The following NFIA variants were observed in gnomAD, a reference collection of about 807,000 sequenced individuals.
NFIA encodes the protein nuclear factor 1 A-type.
NFIA carries 8 observed loss-of-function variants against 62.8 expected under a neutral mutation model. The observed-to-expected ratio is 0.13, with a 90% CI of 0.07 to 0.23. NFIA has a LOEUF of 0.23. NFIA is among the 10% of genes least tolerant of loss of function. The pLI is 1.00. For missense variants in NFIA, 410 were observed against 642.1 expected (o/e 0.64, Z 3.91); for synonymous variants, 235 against 238.1 (o/e 0.99, Z 0.12).
At chr1:61,259,534 A>C (rs1026734215) in intron 2 of NFIA, among the ~76,000 whole-genome samples, 1 of 152,256 alleles carries the variant, frequency 6.6e-6, no homozygotes, top group Non-Finnish European at 1.5e-5. Flanking sequence ...ATTCTCAGTA[A>C]CCAGGGTGTA....
At chr1:61,251,523 A>G (rs1402780519) in intron 2 of NFIA, 2 of 152,194 alleles carry the variant, frequency 1.3e-5, no homozygotes, top group African/African-American at 4.8e-5. Context: ...TATGTCATAC[A>G]TTTATTTTGA....
chr1:61,310,764 TTTCCTTCCTTCC>T (rs372925891), intron 3 of NFIA, among the ~76,000 whole-genome samples: 12 of 129,414 alleles, frequency 9.3e-5, no homozygotes, highest in South Asian at 2.6e-4. Context: ...TTCTCCCTCT[TTTCCTTCCTTCC>T]TTCCTTCCTT....
intron 2 of NFIA, among the ~76,000 whole-genome samples, chr1:61,230,340 G>T (rs1360369182): frequency 6.6e-6 from 1 of 152,156 alleles, no homozygotes; most frequent in Non-Finnish European, 1.5e-5. Flanking sequence ...TCTGAATTAT[G>T]AGAGTTATAT....
chr1:61,118,074 A>G (rs943348802), intron 2 of NFIA, among the ~76,000 whole-genome samples: 3 of 151,850 alleles, frequency 2.0e-5, no homozygotes, highest in African/African-American at 4.8e-5. Context: ...GATCCCAGCT[A>G]CTCAGGAGGT....
At chr1:61,238,106 T>C (rs1655111538) in intron 2 of NFIA, among the ~76,000 whole-genome samples, 1 of 152,244 alleles carries the variant, frequency 6.6e-6, no homozygotes, top group African/African-American at 2.4e-5. Flanking sequence ...TTCAAGATTA[T>C]GTGATTAAGA....
At chr1:61,162,801 A>G (rs1649304709) in intron 2 of NFIA, among the ~76,000 whole-genome samples, 1 of 150,548 alleles carries the variant, frequency 6.6e-6, no homozygotes. Flanking sequence ...AACATAATCC[A>G]TAAAACTCTT....
chr1:61,103,718 A>G (rs916814160), intron 2 of NFIA, among the ~76,000 whole-genome samples: 13 of 152,126 alleles, frequency 8.5e-5, no homozygotes, highest in African/African-American at 3.1e-4. Flanking sequence ...CATATAAAAT[A>G]GTTTTTGGGC....
chr1:61,449,390 C>T (rs781509771), intron 10 of NFIA, among the ~76,000 whole-genome samples: 1 of 152,202 alleles, frequency 6.6e-6, no homozygotes, highest in Non-Finnish European at 1.5e-5. Flanking sequence ...TACATGCCCA[C>T]CCTGGCATCC....
At chr1:61,231,707 A>G (rs1352938179) in intron 2 of NFIA, among the ~76,000 whole-genome samples, 2 of 152,126 alleles carry the variant, frequency 1.3e-5, no homozygotes, top group Non-Finnish European at 2.9e-5. Flanking sequence ...GCACATGCCT[A>G]TAGTCCCAGC....
chr1:61,359,403 G>C, intron 6 of NFIA, 129 bp downstream of exon 6: 7 of 1,316,338 alleles, frequency 5.3e-6, no homozygotes, highest in Non-Finnish European at 7.3e-6. Context: ...ATGAGCACTT[G>C]TTTGTATTGT....
chr1:61,106,393 C>T (rs937432659), intron 2 of NFIA, among the ~76,000 whole-genome samples: 1 of 151,712 alleles, frequency 6.6e-6, no homozygotes, highest in Non-Finnish European at 1.5e-5. Flanking sequence ...CTGGAGTTAC[C>T]TCCTCCTCAC....
At chr1:61,332,416 A>T (rs1296654057) in intron 3 of NFIA, 96 bp from the exon 4 acceptor site, 1 of 1,134,166 alleles carries the variant, frequency 8.8e-7, no homozygotes, top group Non-Finnish European at 1.3e-6. Context: ...ATTAGGCACC[A>T]CATGTGTTAA....
chr1:61,224,632 G>A (rs554839931), intron 2 of NFIA, among the ~76,000 whole-genome samples: 1 of 152,174 alleles, frequency 6.6e-6, no homozygotes, highest in South Asian at 2.1e-4. Context: ...AATTAATAAC[G>A]CTCTAGTCTC....
At chr1:61,362,383 T>C (rs1393606952) in intron 6 of NFIA, among the ~76,000 whole-genome samples, 1 of 152,208 alleles carries the variant, frequency 6.6e-6, no homozygotes, top group Non-Finnish European at 1.5e-5. Flanking sequence ...AAGGATACTG[T>C]GTTTAGGCCT....
intron 3 of NFIA, among the ~76,000 whole-genome samples, chr1:61,295,807 A>G (rs1659160540): frequency 6.6e-6 from 1 of 152,220 alleles, no homozygotes; most frequent in African/African-American, 2.4e-5. Flanking sequence ...ATGTAAAATG[A>G]GCTATTGTAA....
rs560676294 is a variant in NFIA, at chr1:61,338,042, C to T, written c.700+5456C>T. 6.6e-5 allele frequency among the ~76,000 whole-genome samples: 10 copies of T among 152,286 alleles called. 1 individual carries two copies. The South Asian group carries it at 1.7e-3, about 25-fold the overall frequency. Reference sequence around the variant, plus strand: ...ACACACAGGCCATTGTGACTCTGGCCTGGTGGGCTCTAATTTTCTAGCGGC... The same window carrying T: ...ACACACAGGCCATTGTGACTCTGGCTTGGTGGGCTCTAATTTTCTAGCGGC... On this transcript the variant is annotated intron_variant, in intron 4 of 10. Transcript: ENST00000403491.
chr1:61,094,312 A>G (rs1374984888), intron 2 of NFIA, among the ~76,000 whole-genome samples: 1 of 152,148 alleles, frequency 6.6e-6, no homozygotes, highest in Non-Finnish European at 1.5e-5. Context: ...AAAACCCTGA[A>G]CTTAATCACA....
intron 3 of NFIA, among the ~76,000 whole-genome samples, chr1:61,297,227 T>C (rs1442288907): frequency 2.0e-5 from 3 of 152,226 alleles, no homozygotes; most frequent in Non-Finnish European, 4.4e-5. Flanking sequence ...TTAGTATTCA[T>C]TTAAGTGGGT....
At chr1:61,366,544 T>G (rs987118984) in intron 6 of NFIA, among the ~76,000 whole-genome samples, 5 of 152,262 alleles carry the variant, frequency 3.3e-5, no homozygotes, top group African/African-American at 1.2e-4. Context: ...TGATAAGGAA[T>G]AAATTTAGTT....
Sources: gnomAD v4.1 joint callset for allele counts (sites outside exome capture counted in the v4.1 genomes callset) on GRCh38, gnomAD v4.1.1 for gene constraint, MANE v1.5 for transcripts, NCBI Gene and HGNC (gene_info 2026-07-23, HGNC 2026-07-21) for gene names.